Variants in NEDD1 observed in about 807,000 individuals in gnomAD.
NEDD1 encodes the protein protein NEDD1.
A neutral mutation model predicts 74.0 loss-of-function variants in NEDD1; 33 were observed. That is an observed-to-expected ratio of 0.45 (90% confidence interval 0.34 to 0.60). The LOEUF (loss-of-function observed/expected upper bound fraction) is 0.60. Ranked by LOEUF, NEDD1 falls within the 20% of genes least tolerant of loss-of-function variation. The pLI, the probability that NEDD1 is intolerant of heterozygous loss-of-function variation, is 0.01. For missense variants in NEDD1, 746 were observed against 776.5 expected (o/e 0.96, Z 0.47); for synonymous variants, 250 against 264.4 (o/e 0.95, Z 0.53).
chr12:96,926,031 AT>A (rs3035156), intron 6 of NEDD1, among the ~76,000 whole-genome samples: 64 of 147,814 alleles, frequency 4.3e-4, no homozygotes, highest in African/African-American at 6.6e-4. Flanking sequence ...TTTCAAAGGG[AT>A]TTTTTTTTTT....
rs192012104 is a variant in NEDD1 at position 96,936,605 on chromosome 12, C to G, written c.720-6C>G. 28 of 1,606,200 alleles carry G rather than the reference C, an allele frequency of 1.7e-5. No individual in the cohort carries two copies. The highest frequency in any genetic ancestry group is 2.4e-5 in the Non-Finnish European group (28 of 1,172,928). Reference sequence around the variant, plus strand: ...TTCTACACATACTTTGTTCTCCTTTCCAAAGGCTAGTGAAAACTTTAGTGG... The same window carrying G: ...TTCTACACATACTTTGTTCTCCTTTGCAAAGGCTAGTGAAAACTTTAGTGG... On this transcript the variant is annotated splice_polypyrimidine_tract_variant and splice_region_variant and intron_variant, in intron 7 of 15. Coordinates refer to ENST00000266742, the MANE Select transcript of NEDD1 (RefSeq NM_152905.4).
intron 6 of NEDD1, among the ~76,000 whole-genome samples, chr12:96,921,849 C>T (rs919075698): frequency 6.6e-6 from 1 of 151,124 alleles, no homozygotes; most frequent in Non-Finnish European, 1.5e-5. Context: ...CTCCTGGCCT[C>T]AAGTGATCCT....
Position 96,943,727 on chromosome 12 carries a change from A to G in NEDD1, c.1462A>G (p.Met488Val), listed in dbSNP as rs769966738. Residue 488 changes from methionine to valine, a missense_variant, in exon 12 of 16, where the codon ATG becomes GTG. By Grantham distance (21) the Met-to-Val change is conservative (BLOSUM62 1). Around this residue, in one of 3 missense-constraint regions of NEDD1, gnomAD observed 706 missense variants for 706.7 expected, o/e 1.00. Transcript: ENST00000266742. ...AACAGCTGAGTCTAAGAAAATATATATGGGAAAACAGGAATCTAAAGACTC... is the reference window on the plus strand; with the variant it reads ...AACAGCTGAGTCTAAGAAAATATATGTGGGAAAACAGGAATCTAAAGACTC... ...DLTAESKKIY[M>V]GKQESKDSFK... The G allele has an allele frequency of 1.9e-6, 3 of 1,611,796 alleles. No homozygotes were observed. The highest frequency in any genetic ancestry group is 4.5e-5 in the East Asian group (2 of 44,824).
intron 6 of NEDD1, among the ~76,000 whole-genome samples, chr12:96,922,694 C>T (rs1003952474): frequency 2.6e-5 from 4 of 152,122 alleles, no homozygotes; most frequent in Non-Finnish European, 4.4e-5. Flanking sequence ...AAGTGTACAG[C>T]TTGTTGAATT....
At chr12:96,915,023 G>A (rs1278259463) in intron 4 of NEDD1, among the ~76,000 whole-genome samples, 1 of 152,176 alleles carries the variant, frequency 6.6e-6, no homozygotes, top group Non-Finnish European at 1.5e-5. Flanking sequence ...ATAGTTCTTA[G>A]CAAACTGTCC....
At chr12:96,924,474 A>G (rs1875473479) in intron 6 of NEDD1, among the ~76,000 whole-genome samples, 1 of 152,166 alleles carries the variant, frequency 6.6e-6, no homozygotes, top group Non-Finnish European at 1.5e-5. Flanking sequence ...CTAAGCCTTT[A>G]ATTTTTCTTA....
intron 6 of NEDD1, among the ~76,000 whole-genome samples, chr12:96,933,873 A>G (rs1257512760): frequency 6.6e-6 from 1 of 152,230 alleles, no homozygotes; most frequent in Non-Finnish European, 1.5e-5. Flanking sequence ...TAAAAAAGAA[A>G]AGTAGATAAA....
chr12:96,939,782 A>C (rs533109593), intron 9 of NEDD1, among the ~76,000 whole-genome samples: 1 of 152,024 alleles, frequency 6.6e-6, no homozygotes, highest in African/African-American at 2.4e-5. Context: ...ATTGTTGTCT[A>C]CCTTACTATT....
intron 4 of NEDD1, 67 bp downstream of exon 4, chr12:96,912,884 T>C: frequency 1.3e-6 from 1 of 767,196 alleles, no homozygotes; most frequent in Admixed American, 2.3e-5. Flanking sequence ...AATTGCTTAT[T>C]GTGGTGCTTG....
chr12:96,932,463 A>AAAATATAAATATATATATATATATATAT lies in NEDD1; in HGVS notation c.490-2512_490-2511insAATATAAATATATATATATATATATATA. 1.2e-3 allele frequency among the ~76,000 whole-genome samples: 11 copies of AAAATATAAATATATATATATATATATAT among 9,420 alleles called. 2 individuals are homozygous for AAAATATAAATATATATATATATATATAT. Among genetic ancestry groups the AAAATATAAATATATATATATATATATAT allele is most frequent in the Admixed American group, 2.4e-3 (1 of 416 alleles). The allele number at this position is 9,420 out of a possible 152,430, so 6.2% of individuals were successfully genotyped here. The stretch of plus-strand genomic sequence containing the variant: ...CTCTTAAAAAAAAAAAAAAAAAAAA[A>AAAATATAAATATATATATATATATATAT]ATATATATATATATATATATATATA... On this transcript the variant is annotated intron_variant, in intron 6 of 15. Transcript: ENST00000266742.
At chr12:96,935,653 A>G (rs1181811715) in intron 7 of NEDD1, among the ~76,000 whole-genome samples, 3 of 152,126 alleles carry the variant, frequency 2.0e-5, no homozygotes, top group Non-Finnish European at 4.4e-5. Flanking sequence ...CTAAATACCA[A>G]TGGCCTAAAT....
At chr12:96,931,077 A>G (rs529549264) in intron 6 of NEDD1, among the ~76,000 whole-genome samples, 3 of 152,184 alleles carry the variant, frequency 2.0e-5, no homozygotes, top group Non-Finnish European at 4.4e-5. Flanking sequence ...TTTGTGCTTG[A>G]TGTAAGGCCC....
At chr12:96,923,827 T>TGC (rs1191876548) in intron 6 of NEDD1, among the ~76,000 whole-genome samples, 3 of 149,882 alleles carry the variant, frequency 2.0e-5, no homozygotes, top group Non-Finnish European at 4.5e-5. Context: ...TGTGTGTGTG[T>TGC]GTGAAACTGT....
chr12:96,918,543 A>G (rs904557093), intron 5 of NEDD1, among the ~76,000 whole-genome samples: 3 of 152,160 alleles, frequency 2.0e-5, no homozygotes, highest in Admixed American at 6.5e-5. Context: ...AGCTTTCTCA[A>G]TTACTCTGGA....
chr12:96,936,696 C>CG lies in NEDD1; in HGVS notation c.810dup (p.Lys271GlufsTer6), dbSNP rs1565805249. On this transcript the variant is annotated frameshift_variant, in exon 8 of 16. Transcript: ENST00000266742. LOFTEE classifies it high-confidence loss of function. Reference sequence around the variant, plus strand: ...AGCCACTTTGGCTATTGGATCTTCCCGGGGGAAAATATATCAATATGATTT... The same window carrying CG: ...AGCCACTTTGGCTATTGGATCTTCCCGGGGGGAAAATATATCAATATGATTT... 6.2e-7 allele frequency: 1 copy of CG among 1,613,008 alleles called. No homozygotes were observed. Among genetic ancestry groups the CG allele is most frequent in the East Asian group, 2.2e-5 (1 of 44,872 alleles).
At position 96,935,218 on chromosome 12, in the gene NEDD1, T is replaced by C. The variant is rs1457144195; in HGVS notation, c.719+13T>C. The C allele has an allele frequency of 2.2e-6, 3 of 1,361,450 alleles. No individual in the cohort carries two copies. The highest frequency in any genetic ancestry group is 1.4e-5 in the African/African-American group (1 of 70,038). The allele number at this position is 1,361,450 out of a possible 1,614,324, so 84.3% of individuals were successfully genotyped here. ...CTTCAAGTAAGAAGTAAGTGTGACA[T>C]GCTTATTTCTTAATTTAGTAACAAA... On this transcript the variant is annotated intron_variant, in intron 7 of 15. Transcript: ENST00000266742.
intron 6 of NEDD1, among the ~76,000 whole-genome samples, chr12:96,923,774 T>A (rs1875366240): frequency 7.1e-6 from 1 of 141,270 alleles, no homozygotes; most frequent in Non-Finnish European, 1.6e-5. Flanking sequence ...GCTGTTTTAC[T>A]CCTTAATACC....
intron 6 of NEDD1, among the ~76,000 whole-genome samples, chr12:96,920,745 G>T (rs1211873287): frequency 2.0e-5 from 3 of 152,084 alleles, no homozygotes; most frequent in Admixed American, 2.0e-4. Context: ...ATTCGCCATA[G>T]AAATTTCCCA....
intron 1 of NEDD1, 108 bp from the exon 2 acceptor site, chr12:96,907,496 T>G (rs1423533756): frequency 1.1e-6 from 1 of 909,148 alleles, no homozygotes; most frequent in Non-Finnish European, 1.8e-6. Context: ...CGGGCCGGGG[T>G]CGCGCACCTC....
Sources: allele counts gnomAD v4.1 joint callset (sites outside exome capture counted in the v4.1 genomes callset), GRCh38; gene constraint gnomAD v4.1.1; regional missense constraint gnomAD v4.1.1; transcripts MANE v1.5; gene names NCBI Gene and HGNC (gene_info 2026-07-23, HGNC 2026-07-21).